Variants in RBFOX2 observed in about 807,000 individuals in gnomAD.
The protein encoded by RBFOX2 is RNA binding protein fox-1 homolog 2.
A neutral mutation model predicts 49.1 loss-of-function variants in RBFOX2; 10 were observed. The observed-to-expected ratio is 0.20, with a 90% CI of 0.13 to 0.35. The LOEUF is 0.35. RBFOX2 is among the 10% of genes least tolerant of loss of function. The probability of loss-of-function intolerance (pLI) is 1.00; values close to 1 mark genes in which losing one functional copy is unlikely to be tolerated. For missense variants in RBFOX2, 323 were observed against 486.9 expected, an observed-to-expected ratio of 0.66 and a Z score of 3.17; for synonymous variants, 183 against 187.4, an observed-to-expected ratio of 0.98 and a Z score of 0.19.
At position 35,922,025 on chromosome 22, in the gene RBFOX2, CCCATA is replaced by C. The variant is rs1266645838; in HGVS notation, c.-34+16817_-34+16821del. Among the ~76,000 whole-genome samples, 5 of 152,170 alleles carry C rather than the reference CCCATA, an allele frequency of 3.3e-5. No individual in the cohort carries two copies. In the South Asian group the frequency reaches 1.0e-3, roughly 32 times the overall value. ...TTTCCAGTTAGAAAATTTTCCTAAGCCCATATGTAGGCAAGACAGACCTTTCCTTC... is the reference window on the plus strand; with the variant it reads ...TTTCCAGTTAGAAAATTTTCCTAAGCTGTAGGCAAGACAGACCTTTCCTTC... On this transcript the variant is annotated intron_variant, in intron 1 of 13. Coordinates refer to the RBFOX2 transcript ENST00000359369.
chr22:35,935,199 G>A (rs1303046374), intron 1 of RBFOX2, among the ~76,000 whole-genome samples: 13 of 152,184 alleles, frequency 8.5e-5, no homozygotes, highest in Admixed American at 7.9e-4. Context: ...GCCTCCCAAA[G>A]TGCTGGGATT....
chr22:35,847,023 G>A (rs1208246136), intron 1 of RBFOX2, among the ~76,000 whole-genome samples: 1 of 152,146 alleles, frequency 6.6e-6, no homozygotes, highest in Non-Finnish European at 1.5e-5. Flanking sequence ...TCTGATCAGA[G>A]GCAGTAAATG....
intron 2 of RBFOX2, among the ~76,000 whole-genome samples, chr22:35,796,684 T>G (rs1948848555): frequency 6.6e-6 from 1 of 152,224 alleles, no homozygotes; most frequent in African/African-American, 2.4e-5. Context: ...GCATGAATCT[T>G]TTACTCATGA....
rs188887589 is a variant in RBFOX2 at position 35,805,874 on chromosome 22, C to T, written c.252+3906G>A. On this transcript the variant is annotated intron_variant, in intron 2 of 11. Transcript: ENST00000405409. ...ATATTACTAAGTGAAAGAAGCCAAT[C>T]AGAAAAAAGCTACATACTGTGGGAT... is the stretch of plus-strand genomic sequence containing the variant. 1.7e-3 allele frequency among the ~76,000 whole-genome samples: 255 copies of T among 152,110 alleles called. 6 individuals carry two copies. Among genetic ancestry groups the T allele is most frequent in the Admixed American group, 0.016 (251 of 15,278 alleles).
chr22:35,901,526 T>C (rs1230515046), intron 1 of RBFOX2, among the ~76,000 whole-genome samples: 1 of 152,004 alleles, frequency 6.6e-6, no homozygotes, highest in Non-Finnish European at 1.5e-5. Context: ...GAGATAGGGT[T>C]TGGGAGTTGG....
chr22:35,805,343 C>A (rs974545478), intron 2 of RBFOX2, among the ~76,000 whole-genome samples: 1 of 149,446 alleles, frequency 6.7e-6, no homozygotes. Flanking sequence ...AGATACCTCA[C>A]CAAATAAGAT....
intron 4 of RBFOX2, chr22:35,777,808 G>C: frequency 1.8e-6 from 1 of 549,170 alleles, no homozygotes; most frequent in Non-Finnish European, 3.2e-6. Flanking sequence ...AACCTTCTCT[G>C]CTTCTTACTT....
intron 1 of RBFOX2, among the ~76,000 whole-genome samples, chr22:36,021,079 A>C (rs1305417391): frequency 1.3e-5 from 2 of 152,110 alleles, no homozygotes; most frequent in Non-Finnish European, 2.9e-5. Context: ...AAAAAGGATG[A>C]GTTCACGTCC....
exon 12 of RBFOX2, chr22:35,741,400 C>T (rs572918295): frequency 6.6e-6 from 1 of 152,250 alleles, no homozygotes; most frequent in East Asian, 1.9e-4. Context: ...CTCTGACTCT[C>T]TTTTTTAATA....
At chr22:35,882,405 GT>G (rs1376625259) in intron 1 of RBFOX2, among the ~76,000 whole-genome samples, 2 of 152,188 alleles carry the variant, frequency 1.3e-5, no homozygotes, top group African/African-American at 4.8e-5. Context: ...GGCTGCGTGG[GT>G]TTAAGAGGAG....
chr22:35,989,747 G>T (rs930568324), intron 1 of RBFOX2, among the ~76,000 whole-genome samples: 10 of 152,130 alleles, frequency 6.6e-5, no homozygotes, highest in Admixed American at 1.3e-4. Context: ...TTGGTGGCAC[G>T]AAGGTAAAGG....
chr22:35,884,727 G>A (rs570105978), intron 1 of RBFOX2, among the ~76,000 whole-genome samples: 12 of 152,180 alleles, frequency 7.9e-5, no homozygotes, highest in Middle Eastern at 3.2e-3. Context: ...AGCCTATAAG[G>A]GGAAGATAAT....
chr22:35,962,925 A>G (rs140976122), upstream of RBFOX2, among the ~76,000 whole-genome samples: 79 of 152,152 alleles, frequency 5.2e-4, no homozygotes, highest in Non-Finnish European at 9.3e-4. Flanking sequence ...TGACCAAGTA[A>G]TAAGGGCTCC....
At chr22:35,909,964 A>G (rs1377112866) in intron 1 of RBFOX2, among the ~76,000 whole-genome samples, 1 of 152,212 alleles carries the variant, frequency 6.6e-6, no homozygotes, top group Non-Finnish European at 1.5e-5. Context: ...CTGTACCCAA[A>G]GGCATAGACA....
chr22:35,924,136 T>C (rs766258468), intron 1 of RBFOX2, among the ~76,000 whole-genome samples: 1 of 152,210 alleles, frequency 6.6e-6, no homozygotes, highest in African/African-American at 2.4e-5. Flanking sequence ...CTTTATACAG[T>C]GCCTGCACAT....
At chr22:35,973,315 G>A (rs1160725632) in intron 1 of RBFOX2, among the ~76,000 whole-genome samples, 1 of 152,024 alleles carries the variant, frequency 6.6e-6, no homozygotes, top group Non-Finnish European at 1.5e-5. Flanking sequence ...TTAAAGGCTG[G>A]CGCTATAAAC....
chr22:35,980,708 C>T (rs1051184642), intron 1 of RBFOX2, among the ~76,000 whole-genome samples: 3 of 151,946 alleles, frequency 2.0e-5, no homozygotes, highest in Non-Finnish European at 4.4e-5. Flanking sequence ...GACCATACAC[C>T]ATTTACAAGA....
chr22:35,898,133 T>C (rs1364974218), intron 1 of RBFOX2: 1 of 744,476 alleles, frequency 1.3e-6, no homozygotes, highest in Non-Finnish European at 2.5e-6. Context: ...AGGTGCATGA[T>C]GTCACATGTA....
chr22:35,785,282 C>T (rs1946152091), intron 2 of RBFOX2, among the ~76,000 whole-genome samples: 1 of 152,202 alleles, frequency 6.6e-6, no homozygotes, highest in African/African-American at 2.4e-5. Flanking sequence ...AAGTATCTAA[C>T]AGGTGTGACA....
Sources: allele counts gnomAD v4.1 joint callset (sites outside exome capture counted in the v4.1 genomes callset), GRCh38; gene constraint gnomAD v4.1.1; transcripts MANE v1.5; gene names NCBI Gene and HGNC (gene_info 2026-07-23, HGNC 2026-07-21).